Variants in FKTN observed in about 807,000 individuals in gnomAD.
FKTN encodes the protein fukutin.
Under a neutral mutation model 58.6 loss-of-function variants are expected in FKTN, and 47 were observed. That is an observed-to-expected ratio of 0.80 (90% CI 0.63 to 1.02). The LOEUF (loss-of-function observed/expected upper bound fraction) is 1.02. Among genes scored for constraint, FKTN ranks in the 50% least tolerant of loss-of-function variants. The pLI is 0.00. For missense variants in FKTN, 516 were observed against 537.3 expected (o/e 0.96, Z 0.39); for synonymous variants, 178 against 191.9 (o/e 0.93, Z 0.60).
intron 1 of FKTN, among the ~76,000 whole-genome samples, chr9:105,569,069 C>T (rs928330139): frequency 6.6e-6 from 1 of 152,094 alleles, no homozygotes; most frequent in African/African-American, 2.4e-5. Context: ...TGTTCTCACT[C>T]ATAGGTGGGA....
rs187636546 is a variant in FKTN at position 105,626,514 on chromosome 9, G to A, written c.1172+6453G>A. Among the ~76,000 whole-genome samples the A allele has an allele frequency of 1.7e-4, 26 of 152,160 alleles. No individual in the cohort carries two copies. In the East Asian group the frequency reaches 4.2e-3, roughly 25 times the overall value. On this transcript the variant is annotated intron_variant, in intron 10 of 10. Coordinates refer to ENST00000357998, the MANE Select transcript of FKTN (RefSeq NM_001079802.2). ...CCCAAAGGTCTTACCTCTTAATACCGTCACCTTGGAGGTTAGGATTTCAGC... is the reference window on the plus strand; with the variant it reads ...CCCAAAGGTCTTACCTCTTAATACCATCACCTTGGAGGTTAGGATTTCAGC...
intron 10 of FKTN, among the ~76,000 whole-genome samples, chr9:105,626,311 T>C (rs1832729350): frequency 6.6e-6 from 1 of 152,230 alleles, no homozygotes; most frequent in Non-Finnish European, 1.5e-5. Context: ...CTCAGGTTTC[T>C]GGATGATGGG....
At chr9:105,634,679 C>A (rs1400733230) in intron 10 of FKTN, among the ~76,000 whole-genome samples, 1 of 152,154 alleles carries the variant, frequency 6.6e-6, no homozygotes, top group Non-Finnish European at 1.5e-5. Context: ...AGAAAAAGAT[C>A]ATTTTCATCC....
chr9:105,631,323 A>G (rs1588294231), intron 10 of FKTN, among the ~76,000 whole-genome samples: 1 of 152,232 alleles, frequency 6.6e-6, no homozygotes, highest in African/African-American at 2.4e-5. Context: ...CTGGAATAAC[A>G]TGAGAAGAAA....
At chr9:105,594,617 G>A (rs1826410658) in intron 3 of FKTN, among the ~76,000 whole-genome samples, 1 of 152,208 alleles carries the variant, frequency 6.6e-6, no homozygotes, top group Non-Finnish European at 1.5e-5. Context: ...GGTAGTGCAT[G>A]CCTCTATAGT....
At chr9:105,611,370 G>T (rs1754097897) in intron 7 of FKTN, among the ~76,000 whole-genome samples, 1 of 152,026 alleles carries the variant, frequency 6.6e-6, no homozygotes, top group African/African-American at 2.4e-5. Context: ...TTTTTAACTT[G>T]TAAGTTCAGG....
chr9:105,596,713 T>G, intron 4 of FKTN, 56 bp downstream of exon 4: 1 of 1,205,608 alleles, frequency 8.3e-7, no homozygotes, highest in South Asian at 1.2e-5. Flanking sequence ...GTTCATTCAT[T>G]TACTCCGTAA....
chr9:105,632,474 G>A (rs868112873), intron 10 of FKTN, among the ~76,000 whole-genome samples: 3 of 150,880 alleles, frequency 2.0e-5, no homozygotes, highest in African/African-American at 7.3e-5. Context: ...AAAAAAGCCA[G>A]GTTCAGTTAT....
At position 105,635,814 on chromosome 9, in the gene FKTN, T is replaced by C. The variant is rs556821526; in HGVS notation, c.*550T>C. On this transcript the variant is annotated 3_prime_UTR_variant, in exon 11 of 11. Coordinates refer to ENST00000357998, the MANE Select transcript of FKTN (RefSeq NM_001079802.2). ...CAGGTTCATTTTTCAACTAATCTTA[T>C]GTGGAATTGAATTAGAGAACAAGGC... 15 of 1,000,272 alleles carry C rather than the reference T, an allele frequency of 1.5e-5. No homozygotes were observed. Among genetic ancestry groups the C allele is most frequent in the Middle Eastern group, 5.2e-4 (1 of 1,938 alleles). 62.0% of individuals were successfully genotyped at this position (1,000,272 alleles called of 1,614,324 possible). A position where few individuals can be genotyped will look rare whatever the true frequency, so the allele number is the denominator to read the frequency against.
At position 105,639,419 on chromosome 9, in the gene FKTN, C is replaced by A; in HGVS notation, c.*4155C>A. On this transcript the variant is annotated 3_prime_UTR_variant, in exon 11 of 11. Transcript: ENST00000357998. ...GTGGGGGCCCTTTCAGTCTCAATTT[C>A]CACATTAGTGAACTGGGGAAATGAT... 3.2e-6 allele frequency: 2 copies of A among 629,482 alleles called. No individual in the cohort carries two copies. The highest frequency in any genetic ancestry group is 4.0e-6 in the Non-Finnish European group (2 of 505,118). 39.0% of individuals were successfully genotyped at this position (629,482 alleles called of 1,614,324 possible).
chr9:105,639,698 A>T lies in FKTN; in HGVS notation c.*4434A>T. ...AATTATACATTAATTATATTACATT[A>T]ATACAATATATGGTTTGTGAATTCA... is the stretch of plus-strand genomic sequence containing the variant. On this transcript the variant is annotated 3_prime_UTR_variant, in exon 11 of 11. Coordinates refer to ENST00000357998, the MANE Select transcript of FKTN (RefSeq NM_001079802.2). The T allele has an allele frequency of 1.1e-6, 1 of 937,610 alleles. No individual in the cohort carries two copies. The highest frequency in any genetic ancestry group is 1.3e-6 in the Non-Finnish European group (1 of 782,826). 58.1% of individuals were successfully genotyped at this position (937,610 alleles called of 1,614,324 possible).
At chr9:105,598,424 T>C (rs1170333690) in intron 4 of FKTN, 2 of 158,476 alleles carry the variant, frequency 1.3e-5, no homozygotes, top group African/African-American at 4.8e-5. Context: ...GAAAAGAAAA[T>C]GATCATAATT....
At chr9:105,599,406 A>G (rs966861552) in intron 4 of FKTN, among the ~76,000 whole-genome samples, 1 of 135,194 alleles carries the variant, frequency 7.4e-6, no homozygotes, top group African/African-American at 2.8e-5. Context: ...TTTATTAAGT[A>G]TTTTTGCATC....
chr9:105,633,803 T>A (rs569528770), intron 10 of FKTN, among the ~76,000 whole-genome samples: 1 of 152,206 alleles, frequency 6.6e-6, no homozygotes, highest in Non-Finnish European at 1.5e-5. Context: ...GCAGAATATA[T>A]GAGAACTGAC....
At chr9:105,588,497 T>G (rs1243557859) in intron 3 of FKTN, among the ~76,000 whole-genome samples, 1 of 152,228 alleles carries the variant, frequency 6.6e-6, no homozygotes, top group African/African-American at 2.4e-5. Flanking sequence ...TGAAGTTCAA[T>G]CCTTATGTCT....
At chr9:105,615,024 TA>T (rs2061791955) in intron 7 of FKTN, among the ~76,000 whole-genome samples, 1 of 147,614 alleles carries the variant, frequency 6.8e-6, no homozygotes, top group African/African-American at 2.5e-5. Flanking sequence ...GCTGGAACTA[TA>T]GGCGCGGGCC....
At chr9:105,573,207 C>T (rs1257891246) in intron 1 of FKTN, among the ~76,000 whole-genome samples, 1 of 151,246 alleles carries the variant, frequency 6.6e-6, no homozygotes, top group Admixed American at 6.6e-5. Flanking sequence ...TGCACTCCAT[C>T]CAGCCTGAGT....
chr9:105,620,062 G>A lies in FKTN; in HGVS notation c.1172+1G>A, dbSNP rs1554761462. ...AGGCCAAAACAGGAAAAAAATTCAAGTATGAATCAAATAAGTACTTATTTA... is the reference window on the plus strand; with the variant it reads ...AGGCCAAAACAGGAAAAAAATTCAAATATGAATCAAATAAGTACTTATTTA... On this transcript the variant is annotated splice_donor_variant, in intron 10 of 10. Coordinates refer to ENST00000357998, the MANE Select transcript of FKTN (RefSeq NM_001079802.2). LOFTEE classifies it high-confidence loss of function. 2.5e-6 allele frequency: 4 copies of A among 1,608,864 alleles called. No homozygotes were observed. The highest frequency in any genetic ancestry group is 8.5e-7 in the Non-Finnish European group (1 of 1,175,808).
chr9:105,584,148 A>G (rs1310113312), intron 3 of FKTN, among the ~76,000 whole-genome samples: 1 of 152,180 alleles, frequency 6.6e-6, no homozygotes, highest in Non-Finnish European at 1.5e-5. Flanking sequence ...GGGAGGCAAT[A>G]ACAGTACCAC....
Sources: allele counts gnomAD v4.1 joint callset (sites outside exome capture counted in the v4.1 genomes callset), GRCh38; gene constraint gnomAD v4.1.1; transcripts MANE v1.5; gene names NCBI Gene and HGNC (gene_info 2026-07-23, HGNC 2026-07-21).